Variants in MYO5B observed in about 807,000 individuals in gnomAD.
MYO5B encodes the protein myosin VB.
In MYO5B, 143 loss-of-function variants were observed where a neutral mutation model predicts 229.3. That is an observed-to-expected ratio of 0.62 (90% confidence interval 0.54 to 0.72). The LOEUF is 0.72. Ranked by LOEUF, MYO5B falls within the 30% of genes least tolerant of loss-of-function variation. The pLI is 0.00. For missense variants in MYO5B, 2,321 were observed against 2,331.0 expected (o/e 1.00, Z 0.09); for synonymous variants, 918 against 885.2 (o/e 1.04, Z -0.66).
intron 1 of MYO5B, among the ~76,000 whole-genome samples, chr18:50,104,288 A>ATATCTATCTATC (rs1555659365): frequency 2.1e-5 from 3 of 144,748 alleles, no homozygotes; most frequent in Middle Eastern, 3.5e-3. Flanking sequence ...ATATATATAT[A>ATATCTATCTATC]TATCTCATAA....
intron 18 of MYO5B, among the ~76,000 whole-genome samples, chr18:49,911,672 G>A (rs2024959276): frequency 2.6e-5 from 4 of 152,182 alleles, no homozygotes; most frequent in Admixed American, 2.6e-4. Context: ...CTGTTTACAG[G>A]ACTCAGCAGG....
chr18:49,879,165 A>C (rs2024559696), intron 23 of MYO5B, 75 bp from the exon 24 acceptor site: 3 of 1,592,652 alleles, frequency 1.9e-6, no homozygotes, highest in South Asian at 2.2e-5. Context: ...TTTTCCGATT[A>C]ATCTCTTGTT....
intron 2 of MYO5B, among the ~76,000 whole-genome samples, chr18:50,052,740 A>G (rs1001138132): frequency 1.3e-5 from 2 of 151,916 alleles, no homozygotes; most frequent in African/African-American, 4.8e-5. Context: ...ATTTTATGCT[A>G]CATATATTTT....
intron 1 of MYO5B, among the ~76,000 whole-genome samples, chr18:50,123,583 A>T (rs1273283681): frequency 6.6e-6 from 1 of 151,942 alleles, no homozygotes; most frequent in African/African-American, 2.4e-5. Context: ...AAATAAAAAT[A>T]AAAAAAACTA....
chr18:50,114,014 A>G (rs1372843775), intron 1 of MYO5B, among the ~76,000 whole-genome samples: 2 of 152,216 alleles, frequency 1.3e-5, no homozygotes, highest in Admixed American at 1.3e-4. Context: ...CATTTAGGGC[A>G]TTAAAAATCT....
chr18:50,090,212 G>A (rs2144486996), intron 1 of MYO5B, among the ~76,000 whole-genome samples: 1 of 151,992 alleles, frequency 6.6e-6, no homozygotes. Context: ...TCCACTCCAG[G>A]AGGAATCAAA....
chr18:49,926,727 CTTTA>C (rs2025132355), intron 17 of MYO5B, among the ~76,000 whole-genome samples: 1 of 152,154 alleles, frequency 6.6e-6, no homozygotes, highest in Admixed American at 6.5e-5. Flanking sequence ...CTCAAAGAAA[CTTTA>C]TTTTCCCACC....
At chr18:50,048,698 A>G (rs1020506395) in intron 2 of MYO5B, among the ~76,000 whole-genome samples, 1 of 152,162 alleles carries the variant, frequency 6.6e-6, no homozygotes, top group Non-Finnish European at 1.5e-5. Flanking sequence ...AGAAGTCAGC[A>G]GGAAATCCAA....
chr18:50,114,704 T>C (rs772270702), intron 1 of MYO5B, among the ~76,000 whole-genome samples: 38 of 152,188 alleles, frequency 2.5e-4, no homozygotes, highest in South Asian at 6.2e-4. Context: ...TTCATCCTTC[T>C]ACTTGAGTGG....
chr18:50,102,931 C>A (rs1315679017), intron 1 of MYO5B, among the ~76,000 whole-genome samples: 1 of 149,574 alleles, frequency 6.7e-6, no homozygotes, highest in East Asian at 2.0e-4. Flanking sequence ...TTTTTTTTTT[C>A]TTCCCCAGGA....
At chr18:49,878,812 A>T in intron 24 of MYO5B, 133 bp downstream of exon 24, 1 of 1,106,900 alleles carries the variant, frequency 9.0e-7, no homozygotes. Flanking sequence ...TCTCTGCAGT[A>T]ATGGCAAGTG....
At position 49,929,492 on chromosome 18, in the gene MYO5B, C is replaced by A; in HGVS notation, c.2090+20G>T. On this transcript the variant is annotated intron_variant, in intron 17 of 39. Coordinates refer to ENST00000285039, the MANE Select transcript of MYO5B (RefSeq NM_001080467.3). The stretch of plus-strand genomic sequence containing the variant: ...GCTCTAGGGCAGCCCCAGGAGGCAG[C>A]TGGCGGGCACGTTAGTTACCTGGAT... The A allele has an allele frequency of 6.3e-7, 1 of 1,590,632 alleles. No individual in the cohort carries two copies. Among genetic ancestry groups the A allele is most frequent in the East Asian group, 2.2e-5 (1 of 44,538 alleles).
chr18:49,946,567 T>C (rs1312053751), intron 14 of MYO5B, among the ~76,000 whole-genome samples: 6 of 152,214 alleles, frequency 3.9e-5, no homozygotes, highest in Non-Finnish European at 5.9e-5. Context: ...AGGCTATCTA[T>C]GCTTTTAATT....
chr18:49,954,316 G>A lies in MYO5B; in HGVS notation c.1665C>T (p.Asp555=). Reference sequence around the variant, plus strand: ...AGCCAACAGAGAGGAGAGCCACCTTGTCTGCAAAGTGGACGATGATGAAGG... The same window carrying A: ...AGCCAACAGAGAGGAGAGCCACCTTATCTGCAAAGTGGACGATGATGAAGG... The part of the protein sequence containing the change: ...NTAFIIVHFA[D]KVEYLSDGFL... The change falls in exon 13 of 40, where the codon GAC becomes GAT. Residue 555 remains aspartate, a synonymous_variant. Transcript: ENST00000285039. The A allele has an allele frequency of 6.2e-7, 1 of 1,613,974 alleles. No homozygotes were observed.
intron 1 of MYO5B, among the ~76,000 whole-genome samples, chr18:50,075,547 C>CCTTCCT (rs2031058746): frequency 6.6e-6 from 1 of 152,160 alleles, no homozygotes; most frequent in Non-Finnish European, 1.5e-5. Context: ...ATAGAAGGTG[C>CCTTCCT]CTCCCTCTCA....
intron 2 of MYO5B, among the ~76,000 whole-genome samples, chr18:50,048,597 AATC>A (rs1446729620): frequency 6.6e-6 from 1 of 152,196 alleles, no homozygotes; most frequent in East Asian, 1.9e-4. Flanking sequence ...CGACAAAAGT[AATC>A]ACAGGGTCCC....
intron 1 of MYO5B, among the ~76,000 whole-genome samples, chr18:50,106,001 C>T (rs952118296): frequency 6.6e-6 from 1 of 152,062 alleles, no homozygotes; most frequent in Admixed American, 6.6e-5. Context: ...TTTTATAGAA[C>T]CACCTCAAAT....
intron 1 of MYO5B, among the ~76,000 whole-genome samples, chr18:50,185,919 T>C (rs2033141964): frequency 6.6e-6 from 1 of 152,228 alleles, no homozygotes; most frequent in Non-Finnish European, 1.5e-5. Flanking sequence ...ATGATCCCAT[T>C]TGTTTTGAGT....
intron 2 of MYO5B, among the ~76,000 whole-genome samples, chr18:50,041,146 C>T (rs1167586419): frequency 1.3e-5 from 2 of 152,154 alleles, no homozygotes; most frequent in African/African-American, 2.4e-5. Flanking sequence ...TAAAAATCTT[C>T]TGAGACGCTT....
Sources: gnomAD v4.1 joint callset for allele counts (sites outside exome capture counted in the v4.1 genomes callset) on GRCh38, gnomAD v4.1.1 for gene constraint, MANE v1.5 for transcripts, NCBI Gene and HGNC (gene_info 2026-07-23, HGNC 2026-07-21) for gene names.